CD47: variants seen among roughly 807,000 people sequenced by gnomAD.
The protein encoded by CD47 is CD47 molecule.
CD47 carries 11 observed loss-of-function variants against 44.6 expected under a neutral mutation model. That is an observed-to-expected ratio of 0.25 (90% CI 0.16 to 0.41). The LOEUF (loss-of-function observed/expected upper bound fraction) is 0.41. Among genes scored for constraint, CD47 ranks in the 10% least tolerant of loss-of-function variants. CD47 has a pLI of 1.00. For missense variants in CD47, 306 were observed against 386.7 expected, an observed-to-expected ratio of 0.79 and a Z score of 1.75; for synonymous variants, 140 against 136.3, an observed-to-expected ratio of 1.03 and a Z score of -0.19.
intron 3 of CD47, among the ~76,000 whole-genome samples, chr3:108,065,770 C>T (rs901602457): frequency 7.2e-6 from 1 of 139,424 alleles, no homozygotes; most frequent in African/African-American, 2.8e-5. Context: ...CGAGATCACG[C>T]CACTGCACTC....
intron 1 of CD47, among the ~76,000 whole-genome samples, chr3:108,084,555 T>C (rs948019254): frequency 2.6e-5 from 4 of 152,240 alleles, no homozygotes; most frequent in African/African-American, 9.6e-5. Context: ...AACTGAATCA[T>C]GCACTGCCTT....
At chr3:108,062,971 C>T (rs1012366865) in intron 3 of CD47, among the ~76,000 whole-genome samples, 3 of 151,816 alleles carry the variant, frequency 2.0e-5, no homozygotes, top group Non-Finnish European at 4.4e-5. Context: ...TCCTTCTTAA[C>T]AAAAATAAGA....
intron 3 of CD47, among the ~76,000 whole-genome samples, chr3:108,068,181 G>A (rs1372647595): frequency 1.3e-5 from 2 of 152,182 alleles, no homozygotes; most frequent in African/African-American, 4.8e-5. Context: ...CTAAGCAGGT[G>A]GAGAATAGAG....
At chr3:108,084,213 C>T (rs2079473518) in intron 1 of CD47, among the ~76,000 whole-genome samples, 2 of 152,054 alleles carry the variant, frequency 1.3e-5, no homozygotes, top group African/African-American at 4.8e-5. Flanking sequence ...ACCCCTACTT[C>T]TTCATTACTA....
At chr3:108,049,094 A>ATC (rs55708779) in intron 10 of CD47, among the ~76,000 whole-genome samples, 104 of 129,360 alleles carry the variant, frequency 8.0e-4, no homozygotes, top group African/African-American at 2.8e-3. Flanking sequence ...AGGACGAAAC[A>ATC]TCTCTCTCTC....
At position 108,047,061 on chromosome 3, in the gene CD47, T is replaced by C. The variant is rs2078732119; in HGVS notation, c.*227A>G. 2.4e-6 allele frequency: 1 copy of C among 424,596 alleles called. No individual in the cohort carries two copies. Among genetic ancestry groups the C allele is most frequent in the Non-Finnish European group, 4.2e-6 (1 of 239,464 alleles). The allele number at this position is 424,596 out of a possible 1,614,324, so 26.3% of individuals were successfully genotyped here. On this transcript the variant is annotated 3_prime_UTR_variant, in exon 11 of 11. Coordinates refer to ENST00000361309, the MANE Select transcript of CD47 (RefSeq NM_001777.4). ...AAAAATAACAACAAAAAACTGGATC[T>C]CAATTGGGCAAACAACATAGATCAT...
At position 108,043,773 on chromosome 3, in the gene CD47, T is replaced by C. The variant is rs2078668911; in HGVS notation, c.*3515A>G. ...ACAGAGGAGCTTAGTACAAATGCTT[T>C]CTTTTTTTCAAAAAGAGAAATTTAT... is the stretch of plus-strand genomic sequence containing the variant. On this transcript the variant is annotated 3_prime_UTR_variant, in exon 11 of 11. Coordinates refer to ENST00000361309, the MANE Select transcript of CD47 (RefSeq NM_001777.4). 6.6e-6 allele frequency: 1 copy of C among 152,650 alleles called. No homozygotes were observed. Among genetic ancestry groups the C allele is most frequent in the Non-Finnish European group, 1.5e-5 (1 of 68,038 alleles). The allele number at this position is 152,650 out of a possible 1,614,324, so 9.5% of individuals were successfully genotyped here.
intron 2 of CD47, among the ~76,000 whole-genome samples, chr3:108,074,787 G>A (rs1274958696): frequency 6.6e-6 from 1 of 151,714 alleles, no homozygotes; most frequent in African/African-American, 2.4e-5. Context: ...CATTTCTGCT[G>A]TATTTGAACT....
Position 108,071,182 on chromosome 3 carries a change from A to G in CD47, c.401T>C (p.Val134Ala), listed in dbSNP as rs1238902659. Residue 134 changes from valine to alanine, a missense_variant and splice_region_variant, in exon 3 of 11, where the codon GTT (valine) becomes GCT (alanine). Val to Ala is a moderately conservative substitution (Grantham distance 64). Around this residue, in one of 5 missense-constraint regions of CD47, gnomAD observed 65 missense variants for 119.9 expected, o/e 0.54. Transcript: ENST00000361309. ...ETIIELKYRV[V>A]SWFSPNENIL... ...ATTTTCATTTGGAGAAAACCATGAA[A>G]CTGGGGAAGAAGAAAACAAAAGTCA... 7.2e-7 allele frequency: 1 copy of G among 1,390,816 alleles called. No homozygotes were observed. The highest frequency in any genetic ancestry group is 2.2e-5 in the Admixed American group (1 of 45,804). 86.2% of individuals were successfully genotyped at this position (1,390,816 alleles called of 1,614,324 possible). A position where few individuals can be genotyped will look rare whatever the true frequency, so the allele number is the denominator to read the frequency against.
intron 1 of CD47, among the ~76,000 whole-genome samples, chr3:108,081,704 C>T (rs539313413): frequency 1.3e-5 from 2 of 151,878 alleles, no homozygotes; most frequent in East Asian, 1.9e-4. Flanking sequence ...AAACAAACAC[C>T]GGGCTACTTC....
At chr3:108,057,628 C>T (rs1268730644) in intron 6 of CD47, 59 bp from the exon 7 acceptor site, 1 of 850,402 alleles carries the variant, frequency 1.2e-6, no homozygotes, top group Non-Finnish European at 2.0e-6. Context: ...TACTAAAAAA[C>T]AGTAATAATC....
At chr3:108,057,806 G>C (rs1193803148) in intron 6 of CD47, among the ~76,000 whole-genome samples, 1 of 152,130 alleles carries the variant, frequency 6.6e-6, no homozygotes. Flanking sequence ...TCAAGTCTAA[G>C]GCTCCAACCA....
rs978194067 is a variant in CD47, at chr3:108,043,732, T to C, written c.*3556A>G. The C allele has an allele frequency of 2.0e-5, 3 of 152,642 alleles. No homozygotes were observed. Among genetic ancestry groups the C allele is most frequent in the African/African-American group, 7.2e-5 (3 of 41,466 alleles). The allele number at this position is 152,642 out of a possible 1,614,324, so 9.5% of individuals were successfully genotyped here. Reference sequence around the variant, plus strand: ...AGTCATGATAACAACACTTTTAAGATTTAAGATGTTGTCTTACAGAGGAGC... The same window carrying C: ...AGTCATGATAACAACACTTTTAAGACTTAAGATGTTGTCTTACAGAGGAGC... On this transcript the variant is annotated 3_prime_UTR_variant, in exon 11 of 11. Transcript: ENST00000361309.
At chr3:108,060,916 G>C in intron 3 of CD47, 64 bp from the exon 4 acceptor site, 1 of 1,067,868 alleles carries the variant, frequency 9.4e-7, no homozygotes, top group Non-Finnish European at 1.4e-6. Context: ...TTAATAACTT[G>C]TAAGGTACAG....
intron 1 of CD47, among the ~76,000 whole-genome samples, chr3:108,089,606 C>G (rs1356875386): frequency 3.9e-5 from 6 of 152,084 alleles, no homozygotes; most frequent in Non-Finnish European, 5.9e-5. Flanking sequence ...GCATACTAAA[C>G]GTGATGACAG....
intron 5 of CD47, among the ~76,000 whole-genome samples, chr3:108,058,869 G>A (rs558192702): frequency 6.9e-4 from 105 of 152,088 alleles, no homozygotes; most frequent in Non-Finnish European, 1.3e-3. Flanking sequence ...AATGTACAAC[G>A]AGCCAGAGAT....
chr3:108,088,015 T>A (rs941542562), intron 1 of CD47, among the ~76,000 whole-genome samples: 2 of 152,176 alleles, frequency 1.3e-5, no homozygotes, highest in Admixed American at 6.5e-5. Flanking sequence ...GTATACAAAG[T>A]GAAAGTAACT....
chr3:108,044,473 A>C lies in CD47; in HGVS notation c.*2815T>G, dbSNP rs2078687233. ...CAAAAAAAAAAAACAGAAAGAAAGA[A>C]AACTCTCAAGCTCACCCTATTAAAA... On this transcript the variant is annotated 3_prime_UTR_variant, in exon 11 of 11. Coordinates refer to ENST00000361309, the MANE Select transcript of CD47 (RefSeq NM_001777.4). 1 of 144,702 alleles carries C rather than the reference A, an allele frequency of 6.9e-6. No individual in the cohort carries two copies. The highest frequency in any genetic ancestry group is 7.0e-5 in the Admixed American group (1 of 14,356). 9.0% of individuals were successfully genotyped at this position (144,702 alleles called of 1,614,324 possible). A position where few individuals can be genotyped will look rare whatever the true frequency, so the allele number is the denominator to read the frequency against.
intron 3 of CD47, among the ~76,000 whole-genome samples, chr3:108,070,221 T>C (rs1577004825): frequency 6.6e-6 from 1 of 152,216 alleles, no homozygotes; most frequent in Non-Finnish European, 1.5e-5. Context: ...TTACTAGCTT[T>C]TGTGTGTTTA....
Sources: gnomAD v4.1 joint callset for allele counts (sites outside exome capture counted in the v4.1 genomes callset) on GRCh38, gnomAD v4.1.1 for gene constraint, gnomAD v4.1.1 regional missense constraint, MANE v1.5 for transcripts, NCBI Gene and HGNC (gene_info 2026-07-23, HGNC 2026-07-21) for gene names.